PITPNM3: variants seen among roughly 807,000 people sequenced by gnomAD.
PITPNM3 encodes the protein membrane-associated phosphatidylinositol transfer protein 3.
PITPNM3 carries 26 observed loss-of-function variants against 102.0 expected under a neutral mutation model. The observed-to-expected ratio is 0.25, with a 90% CI of 0.19 to 0.35. The LOEUF (loss-of-function observed/expected upper bound fraction) is 0.35, where lower values mean the gene tolerates loss of function less well. PITPNM3 is among the 10% of genes least tolerant of loss of function. The pLI is 1.00. For missense variants in PITPNM3, 1,083 were observed against 1,346.1 expected, an observed-to-expected ratio of 0.80 and a Z score of 3.06; for synonymous variants, 578 against 558.6, an observed-to-expected ratio of 1.03 and a Z score of -0.49.
intron 3 of PITPNM3, among the ~76,000 whole-genome samples, chr17:6,516,102 A>C (rs1048546359): frequency 2.6e-5 from 4 of 152,038 alleles, no homozygotes; most frequent in Non-Finnish European, 5.9e-5. Context: ...CCAATCTCTA[A>C]AAACAAAACA....
chr17:6,462,102 T>C (rs1400782188), intron 17 of PITPNM3, among the ~76,000 whole-genome samples: 1 of 152,126 alleles, frequency 6.6e-6, no homozygotes, highest in Non-Finnish European at 1.5e-5. Context: ...CCTCCCACGG[T>C]TTCAGTTTCC....
chr17:6,543,763 G>A (rs1484869158), intron 1 of PITPNM3, among the ~76,000 whole-genome samples: 3 of 152,188 alleles, frequency 2.0e-5, no homozygotes, highest in South Asian at 2.1e-4. Flanking sequence ...TCTGTCCCGC[G>A]GCAAGTGGAA....
intron 1 of PITPNM3, among the ~76,000 whole-genome samples, chr17:6,555,042 G>A (rs1910527621): frequency 6.6e-6 from 1 of 152,212 alleles, no homozygotes; most frequent in African/African-American, 2.4e-5. Flanking sequence ...CCATTTTAAG[G>A]AGTCGGGGTG....
chr17:6,468,454 C>T lies in PITPNM3; in HGVS notation c.1774-113G>A. 1.9e-6 allele frequency: 2 copies of T among 1,052,570 alleles called. No homozygotes were observed. Among genetic ancestry groups the T allele is most frequent in the Non-Finnish European group, 2.9e-6 (2 of 678,096 alleles). 65.2% of individuals were successfully genotyped at this position (1,052,570 alleles called of 1,614,324 possible). A position where few individuals can be genotyped will look rare whatever the true frequency, so the allele number is the denominator to read the frequency against. On this transcript the variant is annotated intron_variant, in intron 13 of 19. Transcript: ENST00000262483. The surrounding 1 kb of genome is among the most constrained non-coding windows in gnomAD (Gnocchi z 5.2). ...AGCTGGGCCCTGCCCCTGCAACCCC[C>T]CAACCTCACAGCCTGGAACCGTCAG...
In PITPNM3 at chr17:6,472,597, T is replaced by G; in HGVS notation, c.1429+60A>C. 1 of 1,565,220 alleles carries G rather than the reference T, an allele frequency of 6.4e-7. No individual in the cohort carries two copies. Among genetic ancestry groups the G allele is most frequent in the Non-Finnish European group, 8.7e-7 (1 of 1,153,150 alleles). On this transcript the variant is annotated intron_variant, in intron 11 of 19. Transcript: ENST00000262483. This position sits in a 1 kb window ranked among gnomAD's most constrained non-coding sequence, Gnocchi z 4.1. ...CTACTCACTGAGAGCTTGGAGGGGTTGAATGGGCTGGGGCCCCACCTCCAG... is the reference window on the plus strand; with the variant it reads ...CTACTCACTGAGAGCTTGGAGGGGTGGAATGGGCTGGGGCCCCACCTCCAG...
chr17:6,552,280 C>T (rs1428989587), intron 1 of PITPNM3, among the ~76,000 whole-genome samples: 1 of 152,184 alleles, frequency 6.6e-6, no homozygotes, highest in African/African-American at 2.4e-5. Context: ...AGGCTGTTCA[C>T]TCTGCTCCTG....
rs1020154569 is a variant in PITPNM3, at chr17:6,471,219, G to C, written c.1566C>G (p.Ser522Arg). ...AGGACTCCGAGCTCTCGCTGTGGGAGCTCCCCTCGCTCATCCTCCGTCCTG... is the reference window on the plus strand; with the variant it reads ...AGGACTCCGAGCTCTCGCTGTGGGACCTCCCCTCGCTCATCCTCCGTCCTG... The part of the protein sequence containing the change: ...QRPGRRMSEG[S>R]SHSESSESSD... Residue 522 changes from serine to arginine, a missense_variant, in exon 12 of 20, where the codon AGC becomes AGG. Ser to Arg is a moderately radical substitution (Grantham distance 110). Around this residue, in one of 5 missense-constraint regions of PITPNM3, gnomAD observed 410 missense variants for 638.4 expected, o/e 0.64. Coordinates refer to ENST00000262483, the MANE Select transcript of PITPNM3 (RefSeq NM_031220.4). 5.0e-6 allele frequency: 8 copies of C among 1,613,194 alleles called. No individual in the cohort carries two copies. The highest frequency in any genetic ancestry group is 6.8e-6 in the Non-Finnish European group (8 of 1,179,998).
At chr17:6,546,052 C>A (rs1037647022) in intron 1 of PITPNM3, among the ~76,000 whole-genome samples, 1 of 152,222 alleles carries the variant, frequency 6.6e-6, no homozygotes, top group South Asian at 2.1e-4. Flanking sequence ...GGAGACCAGA[C>A]CAGTCCAGGG....
chr17:6,502,289 C>T (rs1487241980), intron 4 of PITPNM3, among the ~76,000 whole-genome samples: 2 of 152,154 alleles, frequency 1.3e-5, no homozygotes, highest in Admixed American at 1.3e-4. Flanking sequence ...CCCATCTCTA[C>T]CAAAAACACA....
intron 17 of PITPNM3, among the ~76,000 whole-genome samples, chr17:6,463,134 G>T (rs1464451683): frequency 6.6e-6 from 1 of 152,108 alleles, no homozygotes. Context: ...AGTCTCCCAG[G>T]AGCCCAGGAG....
intron 6 of PITPNM3, chr17:6,481,978 A>G: frequency 1.1e-5 from 1 of 94,086 alleles, no homozygotes; most frequent in African/African-American, 4.3e-5. Flanking sequence ...GCCCTAGGAA[A>G]ACAGAACCTC....
chr17:6,511,521 A>G (rs1425361074), intron 3 of PITPNM3, among the ~76,000 whole-genome samples: 1 of 152,234 alleles, frequency 6.6e-6, no homozygotes, highest in Non-Finnish European at 1.5e-5. Context: ...TTCAGGGCCC[A>G]GTGTAAAATG....
In PITPNM3 at chr17:6,455,150, C is replaced by G. The variant is rs887484505; in HGVS notation, c.*188G>C. On this transcript the variant is annotated 3_prime_UTR_variant, in exon 20 of 20. Transcript: ENST00000262483. ...CTGCACCGAGATCCCCGGACCTCAC[C>G]CCGTCGCAGCTCAGGGAGCCCCCCG... 4 of 711,394 alleles carry G rather than the reference C, an allele frequency of 5.6e-6. No individual in the cohort carries two copies. Among genetic ancestry groups the G allele is most frequent in the Non-Finnish European group, 8.7e-6 (4 of 460,024 alleles). 44.1% of individuals were successfully genotyped at this position (711,394 alleles called of 1,614,324 possible). A position where few individuals can be genotyped will look rare whatever the true frequency, so the allele number is the denominator to read the frequency against.
At chr17:6,521,565 TAAC>T (rs758286181) in intron 3 of PITPNM3, among the ~76,000 whole-genome samples, 3 of 151,384 alleles carry the variant, frequency 2.0e-5, no homozygotes, top group Admixed American at 6.6e-5. Flanking sequence ...ATAATAGTAA[TAAC>T]AACACGCTTC....
At chr17:6,482,063 TC>T (rs1905771750) in intron 6 of PITPNM3, among the ~76,000 whole-genome samples, 1 of 64,116 alleles carries the variant, frequency 1.6e-5, no homozygotes, top group Non-Finnish European at 5.0e-5. Context: ...TCTCTCTCTC[TC>T]TGTCTCTCTC....
At chr17:6,479,984 G>C (rs1567669215) in intron 6 of PITPNM3, 1 of 152,234 alleles carries the variant, frequency 6.6e-6, no homozygotes, top group South Asian at 2.1e-4. Flanking sequence ...AGATGTCCTG[G>C]GGACAGGTAG....
chr17:6,463,447 C>G (rs11651937), intron 17 of PITPNM3, among the ~76,000 whole-genome samples: 13,893 of 132,658 alleles, frequency 0.1, 1,895 homozygotes, highest in African/African-American at 0.3. Flanking sequence ...AGGAGGGAGG[C>G]AGGGAGGGAA....
chr17:6,501,940 A>C (rs1907204586), intron 4 of PITPNM3, among the ~76,000 whole-genome samples: 1 of 152,168 alleles, frequency 6.6e-6, no homozygotes, highest in Non-Finnish European at 1.5e-5. Flanking sequence ...CTAAAGACCC[A>C]CAGGTAATTT....
chr17:6,464,748 G>A lies in PITPNM3; in HGVS notation c.1914C>T (p.Ala638=). 6.2e-7 allele frequency: 1 copy of A among 1,614,186 alleles called. No homozygotes were observed. Reference sequence around the variant, plus strand: ...CATCTTCAGCAGCAATCACATCATTGGCCCGGTGATTAGCCGTGACATTCT... The same window carrying A: ...CATCTTCAGCAGCAATCACATCATTAGCCCGGTGATTAGCCGTGACATTCT... The part of the protein sequence containing the change: ...KLRNVTANHR[A]NDVIAAEDGP... The change falls in exon 15 of 20, where the codon GCC becomes GCT. Residue 638 remains alanine, a synonymous_variant. Coordinates refer to ENST00000262483, the MANE Select transcript of PITPNM3 (RefSeq NM_031220.4).
Sources: gnomAD v4.1 joint callset for allele counts (sites outside exome capture counted in the v4.1 genomes callset) on GRCh38, gnomAD v4.1.1 for gene constraint, gnomAD v4.1.1 regional missense constraint, Gnocchi (gnomAD v3.1) non-coding constraint, MANE v1.5 for transcripts, NCBI Gene and HGNC (gene_info 2026-07-23, HGNC 2026-07-21) for gene names.